ZFPM1: variants seen among roughly 807,000 people sequenced by gnomAD.
ZFPM1 encodes the protein zinc finger protein ZFPM1.
In ZFPM1, 28 loss-of-function variants were observed where a neutral mutation model predicts 46.3. The observed-to-expected ratio is 0.60, with a 90% CI of 0.45 to 0.83. The LOEUF (loss-of-function observed/expected upper bound fraction) is 0.83, where lower values mean the gene tolerates loss of function less well. Among genes scored for constraint, ZFPM1 ranks in the 40% least tolerant of loss-of-function variants. The pLI is 0.00. For missense variants in ZFPM1, 1,878 were observed against 1,432.4 expected (o/e 1.31, Z -5.02); for synonymous variants, 957 against 675.9 (o/e 1.42, Z -6.45).
In ZFPM1 at chr16:88,471,257, T is replaced by TGCA. The variant is rs1908405650; in HGVS notation, c.41-14679_41-14677dup. ...TCCCAACCAGCTGACCCTCCAGGGC[T>TGCA]GCAGCCATGTGTGACCTCCACCCTC... On this transcript the variant is annotated intron_variant, in intron 1 of 9. Transcript: ENST00000319555. The surrounding 1 kb of genome is among the most constrained non-coding windows in gnomAD (Gnocchi z 4.1). Among the ~76,000 whole-genome samples, 1 of 152,248 alleles carries TGCA rather than the reference T, an allele frequency of 6.6e-6. No homozygotes were observed. The highest frequency in any genetic ancestry group is 1.5e-5 in the Non-Finnish European group (1 of 68,040).
At chr16:88,526,159 G>C (rs551057650) in intron 4 of ZFPM1, among the ~76,000 whole-genome samples, 1 of 152,356 alleles carries the variant, frequency 6.6e-6, no homozygotes, top group South Asian at 2.1e-4. Flanking sequence ...GAGTCCACCA[G>C]GTGCTCCCCA....
At chr16:88,528,283 G>A in intron 6 of ZFPM1, 45 bp downstream of exon 6, 7 of 1,539,964 alleles carry the variant, frequency 4.5e-6, no homozygotes, top group Middle Eastern at 2.3e-4. Context: ...CTCCACCAAG[G>A]AGGAGCAGGC....
chr16:88,455,411 G>C lies in ZFPM1; in HGVS notation c.40+1733G>C, dbSNP rs1256715535. Among the ~76,000 whole-genome samples, 69 of 152,104 alleles carry C rather than the reference G, an allele frequency of 4.5e-4. 1 individual carries two copies. The highest frequency in any genetic ancestry group is 7.4e-5 in the Non-Finnish European group (5 of 67,954). ...CAGAGAAAGGGCCCGGACGAGGAAG[G>C]CAGGGCCGCGGACCCTCCCTGTCGC... On this transcript the variant is annotated intron_variant, in intron 1 of 9. Transcript: ENST00000319555.
chr16:88,487,888 C>T (rs13333435), intron 2 of ZFPM1, among the ~76,000 whole-genome samples: 68,888 of 152,148 alleles, frequency 0.45, 16,423 homozygotes, highest in African/African-American at 0.6. Flanking sequence ...GTGCAGGCGT[C>T]CAGCCCAGCC....
intron 4 of ZFPM1, among the ~76,000 whole-genome samples, chr16:88,524,569 A>G (rs1473394104): frequency 2.0e-5 from 3 of 152,190 alleles, no homozygotes; most frequent in Non-Finnish European, 4.4e-5. Context: ...TGTGGACGGC[A>G]CCCCATGCCC....
rs1048715118 is a variant in ZFPM1, at chr16:88,526,723, T to C, written c.403-91T>C. ...CCTACCAGCCAAGCCGGGAGGCAGA[T>C]CCGTGTCACAGATGCCCCACATACT... On this transcript the variant is annotated intron_variant, in intron 4 of 9. Coordinates refer to ENST00000319555, the MANE Select transcript of ZFPM1 (RefSeq NM_153813.3). The C allele has an allele frequency of 1.2e-5, 16 of 1,376,448 alleles. No individual in the cohort carries two copies. In the African/African-American group the frequency reaches 2.3e-4, roughly 20 times the overall value. The allele number at this position is 1,376,448 out of a possible 1,614,324, so 85.3% of individuals were successfully genotyped here.
intron 1 of ZFPM1, 49 bp downstream of exon 1, chr16:88,453,727 G>A (rs1187115098): frequency 5.3e-6 from 6 of 1,130,442 alleles, no homozygotes; most frequent in Admixed American, 3.9e-5. Flanking sequence ...GACCCCCGCC[G>A]GAGCCCAGCC....
At chr16:88,528,603 G>A (rs531433993) in intron 6 of ZFPM1, among the ~76,000 whole-genome samples, 24 of 152,360 alleles carry the variant, frequency 1.6e-4, no homozygotes, top group Admixed American at 1.4e-3. Flanking sequence ...CCTGGCGTCT[G>A]GGGCCAGGTC....
chr16:88,516,079 C>T, intron 4 of ZFPM1: 1 of 398,492 alleles, frequency 2.5e-6, no homozygotes, highest in African/African-American at 2.1e-5. Context: ...CTCCCCGCAC[C>T]CTACGAGGAG....
chr16:88,494,463 G>A (rs1396519895), intron 3 of ZFPM1, among the ~76,000 whole-genome samples: 5 of 152,124 alleles, frequency 3.3e-5, no homozygotes, highest in Non-Finnish European at 2.9e-5. Context: ...GTGAGAGGCC[G>A]CGGGCAGAGC....
At chr16:88,531,454 C>T (rs955088411) in intron 6 of ZFPM1, among the ~76,000 whole-genome samples, 3 of 152,266 alleles carry the variant, frequency 2.0e-5, no homozygotes, top group East Asian at 1.9e-4. Context: ...GGTGTGTGGG[C>T]GCATGGGGGC....
Position 88,528,042 on chromosome 16 carries a change from C to T in ZFPM1, c.516C>T (p.Leu172=), listed in dbSNP as rs1317481567. ...CCTGTCTCCCTCCAGATGACGCACT[C>T]TGGTGCAGGGTCACCAAGCCGGTGC... ...NTEIHRKDDA[L]WCRVTKPVPA... Residue 172 remains leucine, a synonymous_variant, in exon 6 of 10, where the codon CTC becomes CTT. Coordinates refer to ENST00000319555, the MANE Select transcript of ZFPM1 (RefSeq NM_153813.3). The T allele has an allele frequency of 1.3e-6, 2 of 1,546,728 alleles. No individual in the cohort carries two copies. The highest frequency in any genetic ancestry group is 1.2e-5 in the South Asian group (1 of 84,346).
At chr16:88,493,583 TGAGCTGTCCCGGGGTAGGGA>T (rs1567537751) in intron 3 of ZFPM1, among the ~76,000 whole-genome samples, 18 of 42,748 alleles carry the variant, frequency 4.2e-4, no homozygotes, top group African/African-American at 1.1e-4. Flanking sequence ...CGGGGTGTGG[TGAGCTGTCCCGGGGTAGGGA>T]GAGCTGTCCC....
At chr16:88,478,331 T>C (rs1356429541) in intron 1 of ZFPM1, among the ~76,000 whole-genome samples, 1 of 152,232 alleles carries the variant, frequency 6.6e-6, no homozygotes, top group Non-Finnish European at 1.5e-5. Flanking sequence ...CAGCAAGTGC[T>C]GATCCCGAAC....
intron 1 of ZFPM1, among the ~76,000 whole-genome samples, chr16:88,467,787 G>T (rs1908204752): frequency 6.6e-6 from 1 of 152,110 alleles, no homozygotes; most frequent in African/African-American, 2.4e-5. Context: ...GCTTTGGGAG[G>T]TGGGGGTGGG....
Position 88,469,091 on chromosome 16 carries a change from T to TTCACAACCCGGCAGGGAC in ZFPM1, c.40+15414_40+15431dup, listed in dbSNP as rs1440695037. The stretch of plus-strand genomic sequence containing the variant: ...CCACTCCCAGATGGGAACAGCGAGT[T>TTCACAACCCGGCAGGGAC]TCACAACCCGGCAGGGACGGCCCTG... On this transcript the variant is annotated intron_variant, in intron 1 of 9. Coordinates refer to ENST00000319555, the MANE Select transcript of ZFPM1 (RefSeq NM_153813.3). This position sits in a 1 kb window ranked among gnomAD's most constrained non-coding sequence, Gnocchi z 4.3. The TTCACAACCCGGCAGGGAC allele has an allele frequency of 6.5e-6, 1 of 154,110 alleles. No homozygotes were observed. The highest frequency in any genetic ancestry group is 6.5e-5 in the Admixed American group (1 of 15,274). The allele number at this position is 154,110 out of a possible 1,614,324, so 9.5% of individuals were successfully genotyped here. A position where few individuals can be genotyped will look rare whatever the true frequency, so the allele number is the denominator to read the frequency against.
Position 88,533,589 on chromosome 16 carries a change from C to T in ZFPM1, c.1631C>T (p.Ala544Val). ...GCGCCCCCCGCCTCGGAGATCCTGG[C>T]CAAGATGTCCGAGCTGGTGCACAGC... ...DAAPPASEILAKMSELVHSRL... is the reference protein window; with the variant it reads ...DAAPPASEILVKMSELVHSRL... The change falls in exon 10 of 10, where the codon GCC becomes GTC. Residue 544 changes from alanine (A) to valine (V), a missense_variant. Physicochemically the swap from Ala to Val is moderately conservative, Grantham distance 64. Transcript: ENST00000319555. 1 of 1,499,092 alleles carries T rather than the reference C, an allele frequency of 6.7e-7. No individual in the cohort carries two copies. Among genetic ancestry groups the T allele is most frequent in the Non-Finnish European group, 8.9e-7 (1 of 1,123,662 alleles). The allele number at this position is 1,499,092 out of a possible 1,614,324, so 92.9% of individuals were successfully genotyped here.
intron 1 of ZFPM1, among the ~76,000 whole-genome samples, chr16:88,478,835 C>G (rs1355554305): frequency 6.6e-6 from 1 of 152,188 alleles, no homozygotes; most frequent in Non-Finnish European, 1.5e-5. Context: ...AACCTGAGGA[C>G]CCATGGGTTT....
chr16:88,452,813 G>C (rs1157805860), upstream of ZFPM1, among the ~76,000 whole-genome samples: 5 of 152,322 alleles, frequency 3.3e-5, no homozygotes, highest in East Asian at 5.8e-4. Context: ...GGCGGAGCTG[G>C]CGCCGAGAGG....
Sources: allele counts gnomAD v4.1 joint callset (sites outside exome capture counted in the v4.1 genomes callset), GRCh38; gene constraint gnomAD v4.1.1; non-coding constraint Gnocchi (gnomAD v3.1); transcripts MANE v1.5; gene names NCBI Gene and HGNC (gene_info 2026-07-23, HGNC 2026-07-21).